The following SLCO1B1 variants were observed in gnomAD, a reference collection of about 807,000 sequenced individuals.
SLCO1B1 encodes solute carrier organic anion transporter family member 1B1.
A neutral mutation model predicts 70.1 loss-of-function variants in SLCO1B1; 81 were observed. That is an observed-to-expected ratio of 1.16 (90% CI 0.97 to 1.39). The LOEUF is 1.39. SLCO1B1 is among the 40% of genes most tolerant of loss of function. The pLI is 0.00. For missense variants in SLCO1B1, 895 were observed against 799.6 expected (o/e 1.12, Z -1.44); for synonymous variants, 283 against 271.5 (o/e 1.04, Z -0.42).
At chr12:21,157,494 G>A (rs1007169946) in intron 2 of SLCO1B1, among the ~76,000 whole-genome samples, 1 of 151,900 alleles carries the variant, frequency 6.6e-6, no homozygotes, top group Non-Finnish European at 1.5e-5. Context: ...ATAATAAAAT[G>A]ATATACACAG....
chr12:21,143,140 G>C (rs545663342), intron 2 of SLCO1B1, among the ~76,000 whole-genome samples: 26 of 152,110 alleles, frequency 1.7e-4, no homozygotes, highest in African/African-American at 6.3e-4. Context: ...GTAAAGACTT[G>C]CGTGCCTGTA....
chr12:21,224,775 A>C lies in SLCO1B1; in HGVS notation c.1801A>C (p.Lys601Gln). 3 of 1,612,592 alleles carry C rather than the reference A, an allele frequency of 1.9e-6. No individual in the cohort carries two copies. The highest frequency in any genetic ancestry group is 2.5e-6 in the Non-Finnish European group (3 of 1,179,140). Residue 601 changes from lysine (K) to glutamine (Q), a missense_variant, in exon 14 of 15, where the codon AAG becomes CAG. Physicochemically the swap from Lys to Gln is moderately conservative, Grantham distance 53. Transcript: ENST00000256958. ...GGCTCTGATTGATACAACGTGTATA[A>C]AGTGGTCCACCAACAACTGTGGCAC... ...FGALIDTTCI[K>Q]WSTNNCGTRG... is the part of the protein sequence containing the mutation.
chr12:21,179,069 C>T, intron 7 of SLCO1B1, 49 bp downstream of exon 7: 1 of 1,159,786 alleles, frequency 8.6e-7, no homozygotes. Flanking sequence ...TCTAAGCACA[C>T]ATGCGAAAAA....
intron 1 of SLCO1B1, among the ~76,000 whole-genome samples, chr12:21,134,141 A>G (rs1940180839): frequency 6.6e-6 from 1 of 152,018 alleles, no homozygotes; most frequent in Non-Finnish European, 1.5e-5. Flanking sequence ...ACATTTATTG[A>G]TTTGCGTATG....
At chr12:21,132,583 C>T (rs1469597146) in intron 1 of SLCO1B1, among the ~76,000 whole-genome samples, 1 of 152,148 alleles carries the variant, frequency 6.6e-6, no homozygotes, top group African/African-American at 2.4e-5. Context: ...TCTCTGATGG[C>T]CAGTGATGAT....
intron 1 of SLCO1B1, among the ~76,000 whole-genome samples, chr12:21,132,597 C>A (rs1408076005): frequency 2.0e-5 from 3 of 152,178 alleles, no homozygotes; most frequent in Non-Finnish European, 4.4e-5. Context: ...TGATGATGAG[C>A]ATTTTTTCAC....
intron 11 of SLCO1B1, 121 bp from the exon 12 acceptor site, chr12:21,216,998 T>C (rs1261343549): frequency 1.3e-6 from 1 of 767,458 alleles, no homozygotes; most frequent in African/African-American, 1.8e-5. Context: ...TTTAGAATCT[T>C]CTTAAACTGT....
chr12:21,140,712 A>G (rs1940296553), intron 1 of SLCO1B1, among the ~76,000 whole-genome samples: 1 of 152,056 alleles, frequency 6.6e-6, no homozygotes, highest in Non-Finnish European at 1.5e-5. Context: ...AGAAGATAAA[A>G]AGGTAGAGAA....
At chr12:21,179,249 A>G (rs1302138505) in intron 7 of SLCO1B1, among the ~76,000 whole-genome samples, 2 of 152,184 alleles carry the variant, frequency 1.3e-5, no homozygotes, top group Non-Finnish European at 2.9e-5. Flanking sequence ...AAACAAATTT[A>G]TTTTCATGAG....
intron 10 of SLCO1B1, among the ~76,000 whole-genome samples, chr12:21,204,542 G>T (rs776164194): frequency 6.6e-6 from 1 of 151,312 alleles, no homozygotes. Context: ...ACCCTGTGAG[G>T]TTGGCATTAT....
At chr12:21,141,933 C>G (rs975436491) in intron 2 of SLCO1B1, among the ~76,000 whole-genome samples, 3 of 151,072 alleles carry the variant, frequency 2.0e-5, no homozygotes, top group Non-Finnish European at 4.4e-5. Context: ...GGATTGATCA[C>G]GACATATTTA....
chr12:21,236,933 C>G (rs1941601847), intron 14 of SLCO1B1, among the ~76,000 whole-genome samples: 1 of 152,084 alleles, frequency 6.6e-6, no homozygotes, highest in Non-Finnish European at 1.5e-5. Flanking sequence ...AAGTAGATCT[C>G]TTAGAGACTA....
intron 14 of SLCO1B1, 34 bp downstream of exon 14, chr12:21,224,873 C>G (rs373918496): frequency 8.8e-7 from 1 of 1,133,334 alleles, no homozygotes; most frequent in East Asian, 2.4e-5. Context: ...ATTATTTTTT[C>G]TTTGACTATA....
At position 21,133,953 on chromosome 12, in the gene SLCO1B1, C is replaced by T. The variant is rs1378062819; in HGVS notation, c.-62+2717C>T. On this transcript the variant is annotated intron_variant, in intron 1 of 14. Coordinates refer to ENST00000256958, the MANE Select transcript of SLCO1B1 (RefSeq NM_006446.5). ...CTTCCAGTTTTTGCCCATTCAGTATCATATTGGCTGCAGGTTTGTCATAGA... is the reference window on the plus strand; with the variant it reads ...CTTCCAGTTTTTGCCCATTCAGTATTATATTGGCTGCAGGTTTGTCATAGA... Among the ~76,000 whole-genome samples, 3 of 152,234 alleles carry T rather than the reference C, an allele frequency of 2.0e-5. No homozygotes were observed. In the South Asian group the frequency reaches 6.2e-4, roughly 32 times the overall value.
intron 2 of SLCO1B1, among the ~76,000 whole-genome samples, chr12:21,142,323 T>G (rs1465618150): frequency 6.6e-6 from 1 of 151,954 alleles, no homozygotes; most frequent in Non-Finnish European, 1.5e-5. Context: ...TGAGTACTCC[T>G]AAGCACAATG....
intron 2 of SLCO1B1, among the ~76,000 whole-genome samples, chr12:21,147,468 T>A (rs1254417933): frequency 1.3e-5 from 2 of 152,134 alleles, no homozygotes; most frequent in Non-Finnish European, 2.9e-5. Context: ...GTGTGTAATG[T>A]TCCCCTCCCT....
chr12:21,237,591 A>G (rs1047026992), intron 14 of SLCO1B1, among the ~76,000 whole-genome samples: 2 of 152,162 alleles, frequency 1.3e-5, no homozygotes, highest in Admixed American at 6.6e-5. Flanking sequence ...ACTTATTTGT[A>G]TATTTAAAAA....
chr12:21,191,873 A>G (rs550547348), intron 7 of SLCO1B1, among the ~76,000 whole-genome samples: 10 of 152,218 alleles, frequency 6.6e-5, no homozygotes, highest in African/African-American at 2.4e-4. Context: ...ACATCTGCAT[A>G]TTTGATCATG....
intron 1 of SLCO1B1, among the ~76,000 whole-genome samples, chr12:21,132,675 A>T (rs982636834): frequency 5.3e-5 from 8 of 151,968 alleles, no homozygotes; most frequent in African/African-American, 7.3e-5. Flanking sequence ...CCACTTCTTG[A>T]TGGGGTCGTT....
Sources: gnomAD v4.1 joint callset for allele counts (sites outside exome capture counted in the v4.1 genomes callset) on GRCh38, gnomAD v4.1.1 for gene constraint, MANE v1.5 for transcripts, NCBI Gene and HGNC (gene_info 2026-07-23, HGNC 2026-07-21) for gene names.